Variants in NXPE2 observed in about 807,000 individuals in gnomAD.
NXPE2 encodes NXPE family member 2.
A neutral mutation model predicts 34.4 loss-of-function variants in NXPE2; 34 were observed. The observed-to-expected ratio is 0.99, with a 90% confidence interval of 0.75 to 1.31. NXPE2 has a LOEUF of 1.31. Ranked by LOEUF, NXPE2 falls within the 40% of genes most tolerant of loss-of-function variation. NXPE2 has a pLI of 0.00. For synonymous variants in NXPE2, 235 were observed against 231.3 expected, an observed-to-expected ratio of 1.02 and a Z score of -0.15; for missense variants, 649 against 672.5, an observed-to-expected ratio of 0.97 and a Z score of 0.39.
At chr11:114,648,269 G>A in the NXPE2 span, among the ~76,000 whole-genome samples, 1 of 152,108 alleles carries the variant, frequency 6.6e-6, no homozygotes, top group African/African-American at 2.4e-5. Flanking sequence ...ATGAGAACCA[G>A]GAGAGCCAAT....
intron 2 of NXPE2, among the ~76,000 whole-genome samples, chr11:114,689,553 T>C (rs940373931): frequency 1.3e-5 from 2 of 152,146 alleles, no homozygotes; most frequent in African/African-American, 4.8e-5. Context: ...GAAGAATGTA[T>C]ATTCTGTGGT....
the NXPE2 span, among the ~76,000 whole-genome samples, chr11:114,642,833 C>T: frequency 1.3e-5 from 2 of 152,188 alleles, no homozygotes; most frequent in East Asian, 1.9e-4. Context: ...CTTGAGGAAT[C>T]GCCACACTGT....
At chr11:114,603,063 G>C in the NXPE2 span, among the ~76,000 whole-genome samples, 1 of 151,018 alleles carries the variant, frequency 6.6e-6, no homozygotes, top group African/African-American at 2.4e-5. Flanking sequence ...TTGTCTCATA[G>C]GTAACTATTA....
chr11:114,507,043 T>G, the NXPE2 span, among the ~76,000 whole-genome samples: 1 of 151,954 alleles, frequency 6.6e-6, no homozygotes, highest in Non-Finnish European at 1.5e-5. Flanking sequence ...AGGGGAATAT[T>G]ACCACTGACC....
chr11:114,770,766 T>C, the NXPE2 span, among the ~76,000 whole-genome samples: 1 of 152,118 alleles, frequency 6.6e-6, no homozygotes, highest in African/African-American at 2.4e-5. Flanking sequence ...TACACACAAA[T>C]CTAGTTTTGA....
At chr11:114,642,321 T>C in the NXPE2 span, among the ~76,000 whole-genome samples, 1 of 152,020 alleles carries the variant, frequency 6.6e-6, no homozygotes, top group African/African-American at 2.4e-5. Flanking sequence ...TTTGTAGTTC[T>C]CCACATGTGC....
At chr11:114,616,814 C>A in the NXPE2 span, among the ~76,000 whole-genome samples, 297 of 151,780 alleles carry the variant, frequency 2.0e-3, no homozygotes, top group Non-Finnish European at 3.8e-3. Context: ...ATAAGTGTTG[C>A]CTCGTTGGTA....
the NXPE2 span, among the ~76,000 whole-genome samples, chr11:114,492,364 T>A: frequency 2.1e-4 from 32 of 152,226 alleles, no homozygotes; most frequent in Admixed American, 6.5e-4. Context: ...CTTGATATAA[T>A]TTCAGTTTTA....
chr11:114,559,514 T>C, the NXPE2 span, among the ~76,000 whole-genome samples: 2 of 152,196 alleles, frequency 1.3e-5, no homozygotes, highest in African/African-American at 4.8e-5. Flanking sequence ...CACTGGGGAC[T>C]TTTGCTGGTT....
the NXPE2 span, among the ~76,000 whole-genome samples, chr11:114,504,949 G>A: frequency 6.6e-6 from 1 of 152,160 alleles, no homozygotes; most frequent in Non-Finnish European, 1.5e-5. Context: ...TGAACTACAG[G>A]AGTATGTTGT....
the NXPE2 span, among the ~76,000 whole-genome samples, chr11:114,593,600 T>C: frequency 6.6e-6 from 1 of 152,118 alleles, no homozygotes; most frequent in Non-Finnish European, 1.5e-5. Flanking sequence ...ACAACCACTA[T>C]AGAGAACAGT....
At chr11:114,675,451 A>T (rs1950847692), upstream of NXPE2, among the ~76,000 whole-genome samples, 1 of 151,924 alleles carries the variant, frequency 6.6e-6, no homozygotes, top group Non-Finnish European at 1.5e-5. Flanking sequence ...GAACAAATTC[A>T]GTAAAGTTGC....
At chr11:114,538,475 C>T in the NXPE2 span, among the ~76,000 whole-genome samples, 1 of 152,128 alleles carries the variant, frequency 6.6e-6, no homozygotes, top group Non-Finnish European at 1.5e-5. Flanking sequence ...AAGAAACCAC[C>T]ATCAGAGTGA....
the NXPE2 span, among the ~76,000 whole-genome samples, chr11:114,590,846 C>T: frequency 8.4e-4 from 128 of 152,324 alleles, no homozygotes; most frequent in Non-Finnish European, 1.7e-3. Flanking sequence ...CACAATGTAG[C>T]AGGATTGCTG....
the NXPE2 span, among the ~76,000 whole-genome samples, chr11:114,722,438 C>A: frequency 5.3e-5 from 8 of 151,778 alleles, no homozygotes; most frequent in African/African-American, 1.7e-4. Flanking sequence ...AAATAAATTA[C>A]CCAGTCTCAG....
At chr11:114,555,910 A>T in the NXPE2 span, among the ~76,000 whole-genome samples, 1 of 152,120 alleles carries the variant, frequency 6.6e-6, no homozygotes, top group Non-Finnish European at 1.5e-5. Flanking sequence ...TCCTCATTTG[A>T]TAAATATTTG....
At chr11:114,521,798 G>C in the NXPE2 span, 92 of 552,462 alleles carry the variant, frequency 1.7e-4, 1 homozygote, top group South Asian at 2.5e-3. Flanking sequence ...TGATTCTCTT[G>C]GTTTTGCATC....
intron 2 of NXPE2, among the ~76,000 whole-genome samples, chr11:114,692,908 C>A (rs1951179913): frequency 6.6e-6 from 1 of 152,114 alleles, no homozygotes; most frequent in Non-Finnish European, 1.5e-5. Context: ...ACTTTCTACG[C>A]TGGCTCTTCT....
the NXPE2 span, among the ~76,000 whole-genome samples, chr11:114,651,863 G>C: frequency 6.6e-6 from 1 of 152,062 alleles, no homozygotes; most frequent in African/African-American, 2.4e-5. Context: ...GTCCCCACCC[G>C]ACCCAGAAGC....
Sources: gnomAD v4.1 joint callset for allele counts (sites outside exome capture counted in the v4.1 genomes callset) on GRCh38, gnomAD v4.1.1 for gene constraint, MANE v1.5 for transcripts, NCBI Gene and HGNC (gene_info 2026-07-23, HGNC 2026-07-21) for gene names.